Variants in OPHN1 observed in about 807,000 individuals in gnomAD.
OPHN1 encodes the protein oligophrenin 1, also known as oligophrenin-1.
OPHN1 carries 11 observed loss-of-function variants against 60.7 expected under a neutral mutation model. That is an observed-to-expected ratio of 0.18 (90% CI 0.11 to 0.30). The LOEUF (loss-of-function observed/expected upper bound fraction) is 0.30, where lower values mean the gene tolerates loss of function less well. OPHN1 is among the 10% of genes least tolerant of loss of function. The probability of loss-of-function intolerance (pLI) is 1.00; values close to 1 mark genes in which losing one functional copy is unlikely to be tolerated. For synonymous variants in OPHN1, 226 were observed against 222.6 expected, an observed-to-expected ratio of 1.02 and a Z score of -0.14; for missense variants, 449 against 611.0, an observed-to-expected ratio of 0.73 and a Z score of 2.80.
chrX:68,242,149 G>A (rs971038398), intron 5 of OPHN1, among the ~76,000 whole-genome samples: 3 of 103,714 alleles, frequency 2.9e-5, no homozygotes, highest in Non-Finnish European at 5.8e-5. Context: ...GCTTTGGGAG[G>A]CTAAAGCAGA....
intron 4 of OPHN1, among the ~76,000 whole-genome samples, chrX:68,280,990 A>T (rs1323270124): frequency 8.9e-6 from 1 of 112,196 alleles, no homozygotes; most frequent in Non-Finnish European, 1.9e-5. Context: ...GGAAAAGTCA[A>T]TATTTTTAAG....
intron 2 of OPHN1, among the ~76,000 whole-genome samples, chrX:68,378,150 G>T (rs755549326): frequency 3.6e-5 from 4 of 112,215 alleles, no homozygotes; most frequent in Non-Finnish European, 5.6e-5. Context: ...GTATCTCATT[G>T]TGGTTTTGAT....
At chrX:68,184,209 A>G (rs1569236138) in intron 15 of OPHN1, among the ~76,000 whole-genome samples, 1 of 112,124 alleles carries the variant, frequency 8.9e-6, no homozygotes, top group East Asian at 2.8e-4. Context: ...AATAAAAAAA[A>G]TAAAAGGCAA....
chrX:68,263,561 C>G (rs1380203868), intron 5 of OPHN1, among the ~76,000 whole-genome samples: 1 of 111,789 alleles, frequency 8.9e-6, no homozygotes, highest in Non-Finnish European at 1.9e-5. Context: ...TTATTTAGTG[C>G]ATATTATTTG....
rs752816208 is a variant in OPHN1 at position 68,119,348 on chromosome X, A to G, written c.1277-16T>C. 1.6e-5 allele frequency: 17 copies of G among 1,090,884 alleles called. No individual in the cohort carries two copies. In the Admixed American group the frequency reaches 3.5e-4, roughly 23 times the overall value. The allele number at this position is 1,090,884 out of a possible 1,213,427, so 89.9% of individuals were successfully genotyped here. A position where few individuals can be genotyped will look rare whatever the true frequency, so the allele number is the denominator to read the frequency against. On this transcript the variant is annotated splice_polypyrimidine_tract_variant and intron_variant, in intron 15 of 24. Transcript: ENST00000355520. ...CATTTAGGATCTATTTGAGAAAAGT[A>G]AACAAAAAACAAAAGTTAATCATCA...
chrX:68,405,974 A>T lies in OPHN1; in HGVS notation c.154+26893T>A, dbSNP rs141023084. On this transcript the variant is annotated intron_variant, in intron 2 of 24. Coordinates refer to ENST00000355520, the MANE Select transcript of OPHN1 (RefSeq NM_002547.3). The stretch of plus-strand genomic sequence containing the variant: ...GCCTGGCCAACATGGTAAAAACCCC[A>T]TCTCTACTAAAATACAAAAAAATAG... 6.5e-3 allele frequency among the ~76,000 whole-genome samples: 696 copies of T among 106,422 alleles called. 7 individuals are homozygous for T. Among genetic ancestry groups the T allele is most frequent in the African/African-American group, 0.023 (670 of 29,117 alleles). The allele number at this position is 106,422 out of a possible 115,157, so 92.4% of individuals were successfully genotyped here.
rs188163045 is a variant in OPHN1, at chrX:68,197,407, T to A, written c.1026-143A>T. ...CAGAATACTAATTTTTCAAAATCTC[T>A]TTTACTCAAGAAAACAATAGGCAAT... On this transcript the variant is annotated intron_variant, in intron 11 of 24. Transcript: ENST00000355520. The A allele has an allele frequency of 1.4e-4, 67 of 478,333 alleles. No individual in the cohort carries two copies. The East Asian group carries it at 2.4e-3, about 17-fold the overall frequency. The allele number at this position is 478,333 out of a possible 1,213,427, so 39.4% of individuals were successfully genotyped here. A position where few individuals can be genotyped will look rare whatever the true frequency, so the allele number is the denominator to read the frequency against.
At position 68,201,664 on chromosome X, in the gene OPHN1, T is replaced by C; in HGVS notation, c.980A>G (p.Glu327Gly). 1 of 1,210,809 alleles carries C rather than the reference T, an allele frequency of 8.3e-7. No individual in the cohort carries two copies. The highest frequency in any genetic ancestry group is 1.1e-6 in the Non-Finnish European group (1 of 894,633). ...AAAACAGAACCTCTTGTCGATAGAC[T>C]CCGTCTTCCTTCTCACACAGTACTT... Reference protein sequence around the residue: ...TLKYCVRRKTESIDKRFCFDI... With the variant: ...TLKYCVRRKTGSIDKRFCFDI... Residue 327 changes from glutamate (E) to glycine (G), a missense_variant, in exon 11 of 25, where the codon GAG (glutamate) becomes GGG (glycine). Physicochemically the swap from Glu to Gly is moderately conservative, Grantham distance 98. Coordinates refer to ENST00000355520, the MANE Select transcript of OPHN1 (RefSeq NM_002547.3).
intron 6 of OPHN1, among the ~76,000 whole-genome samples, chrX:68,224,766 T>C (rs2077681326): frequency 1.8e-5 from 2 of 112,351 alleles, no homozygotes; most frequent in Admixed American, 9.4e-5. Flanking sequence ...GGTTCCAAGA[T>C]GGCTGAATAG....
At chrX:68,143,324 A>C (rs897776118) in intron 15 of OPHN1, among the ~76,000 whole-genome samples, 17 of 112,054 alleles carry the variant, frequency 1.5e-4, no homozygotes, top group Non-Finnish European at 2.3e-4. Context: ...TTACAGAGAG[A>C]AGCTCCCTAG....
At chrX:68,226,390 A>G (rs2077692680) in intron 6 of OPHN1, among the ~76,000 whole-genome samples, 2 of 111,128 alleles carry the variant, frequency 1.8e-5, no homozygotes, top group African/African-American at 6.5e-5. Context: ...TGCCACAAAG[A>G]TACTGCTTGA....
chrX:68,167,540 T>C (rs2077364500), intron 15 of OPHN1, among the ~76,000 whole-genome samples: 3 of 110,633 alleles, frequency 2.7e-5, no homozygotes, highest in Admixed American at 9.7e-5. Context: ...TGTATATGTG[T>C]GTATATGTAT....
At chrX:68,270,692 A>G (rs766387806) in intron 5 of OPHN1, among the ~76,000 whole-genome samples, 10 of 109,899 alleles carry the variant, frequency 9.1e-5, no homozygotes, top group African/African-American at 3.3e-4. Flanking sequence ...TACATATGTA[A>G]CAAACCTGCA....
intron 2 of OPHN1, among the ~76,000 whole-genome samples, chrX:68,327,788 T>TAA (rs1426696978): frequency 4.3e-5 from 2 of 47,056 alleles, no homozygotes; most frequent in Non-Finnish European, 7.1e-5. Context: ...AAATAAAAAA[T>TAA]AAAAAAAATA....
At chrX:68,103,127 A>G (rs2077066590) in intron 18 of OPHN1, among the ~76,000 whole-genome samples, 1 of 112,193 alleles carries the variant, frequency 8.9e-6, no homozygotes, top group African/African-American at 3.2e-5. Flanking sequence ...GGAAATCCTC[A>G]ATAAAATACT....
intron 2 of OPHN1, among the ~76,000 whole-genome samples, chrX:68,374,575 C>T (rs1048176589): frequency 8.2e-5 from 9 of 109,909 alleles, no homozygotes; most frequent in African/African-American, 3.0e-4. Context: ...CCTCAGCCTC[C>T]CAAATAGCTG....
intron 15 of OPHN1, among the ~76,000 whole-genome samples, chrX:68,124,664 C>CT (rs56914884): frequency 0.28 from 29,315 of 105,940 alleles, 3,358 homozygotes; most frequent in African/African-American, 0.36. Context: ...CAAAACAAGT[C>CT]TTTTTTTTTT....
intron 3 of OPHN1, among the ~76,000 whole-genome samples, chrX:68,294,374 G>A (rs755489494): frequency 1.9e-4 from 20 of 105,350 alleles, no homozygotes; most frequent in Admixed American, 7.3e-4. Context: ...TCGGGAGGCC[G>A]AGGCAGGAGA....
rs763638896 is a variant in OPHN1, at chrX:68,111,844, A to T, written c.1526+10T>A. 2 of 1,145,699 alleles carry T rather than the reference A, an allele frequency of 1.7e-6. No individual in the cohort carries two copies. The highest frequency in any genetic ancestry group is 6.0e-5 in the East Asian group (2 of 33,585). 94.4% of individuals were successfully genotyped at this position (1,145,699 alleles called of 1,213,427 possible). A position where few individuals can be genotyped will look rare whatever the true frequency, so the allele number is the denominator to read the frequency against. On this transcript the variant is annotated intron_variant, in intron 18 of 24. Coordinates refer to ENST00000355520, the MANE Select transcript of OPHN1 (RefSeq NM_002547.3). ...TAGGAACTTTTTCTGAAAATCCAGCAGTTACTTACTTGACCAAGTGTCTTA... is the reference window on the plus strand; with the variant it reads ...TAGGAACTTTTTCTGAAAATCCAGCTGTTACTTACTTGACCAAGTGTCTTA...
Sources: allele counts gnomAD v4.1 joint callset (sites outside exome capture counted in the v4.1 genomes callset), GRCh38; gene constraint gnomAD v4.1.1; transcripts MANE v1.5; gene names NCBI Gene and HGNC (gene_info 2026-07-23, HGNC 2026-07-21).